The following IGF2BP1 variants were observed in gnomAD, a reference collection of about 807,000 sequenced individuals.
IGF2BP1 encodes the protein insulin like growth factor 2 mRNA binding protein 1.
IGF2BP1 carries 11 observed loss-of-function variants against 74.9 expected under a neutral mutation model. The ratio of observed to expected loss-of-function variants is 0.15; its 90% CI spans 0.09 to 0.24. IGF2BP1 has a LOEUF of 0.24. IGF2BP1 is among the 10% of genes least tolerant of loss of function. IGF2BP1 has a pLI of 1.00. For synonymous variants in IGF2BP1, 287 were observed against 281.8 expected (o/e 1.02, Z -0.18); for missense variants, 440 against 757.4 (o/e 0.58, Z 4.92).
Position 49,038,292 on chromosome 17 carries a change from C to G in IGF2BP1, c.526C>G (p.Gln176Glu). The change falls in exon 6 of 15, where the codon CAG becomes GAG. Residue 176 changes from glutamine (Q) to glutamate (E), a missense_variant. Gln to Glu is a conservative substitution (Grantham distance 29). Transcript: ENST00000290341. ...GRRGGFGSRG[Q>E]PRQGSPVAAG... ...CCGAGGGGGCTTTGGCTCTCGGGGTCAGCCCCGCCAGGGCTCACCTGTGGC... is the reference window on the plus strand; with the variant it reads ...CCGAGGGGGCTTTGGCTCTCGGGGTGAGCCCCGCCAGGGCTCACCTGTGGC... The G allele has an allele frequency of 6.2e-7, 1 of 1,603,624 alleles. No homozygotes were observed. The highest frequency in any genetic ancestry group is 8.5e-7 in the Non-Finnish European group (1 of 1,175,100).
rs769376833 is a variant in IGF2BP1 at position 49,038,462 on chromosome 17, T to G, written c.683+13T>G. ...AGACCCAGTCCAAGTGAGTCTTGGC[T>G]CTTGGGGAATGGAGGTTGGGTGCTA... On this transcript the variant is annotated intron_variant, in intron 6 of 14. Transcript: ENST00000290341. 6.8e-7 allele frequency: 1 copy of G among 1,468,216 alleles called. No individual in the cohort carries two copies. Among genetic ancestry groups the G allele is most frequent in the Non-Finnish European group, 9.1e-7 (1 of 1,102,932 alleles). 90.9% of individuals were successfully genotyped at this position (1,468,216 alleles called of 1,614,324 possible). A position where few individuals can be genotyped will look rare whatever the true frequency, so the allele number is the denominator to read the frequency against.
At chr17:49,029,472 G>A (rs1456912428) in intron 4 of IGF2BP1, among the ~76,000 whole-genome samples, 2 of 152,146 alleles carry the variant, frequency 1.3e-5, no homozygotes, top group Non-Finnish European at 2.9e-5. Flanking sequence ...CAGATTCTTT[G>A]CACTGAAGTT....
At chr17:49,044,860 T>C (rs1428310980) in intron 11 of IGF2BP1, 131 bp from the exon 12 acceptor site, 2 of 743,946 alleles carry the variant, frequency 2.7e-6, no homozygotes, top group Non-Finnish European at 4.7e-6. Flanking sequence ...TCAGGGTCTT[T>C]GTTCTTCCTC....
rs902920933 is a variant in IGF2BP1 at position 49,055,342 on chromosome 17, T to C, written c.*5898T>C. ...TTTCACAGTCTGCCCCTGGCCTGTC[T>C]CACCCCATCCCCCACCCTATTCCTG... is the stretch of plus-strand genomic sequence containing the variant. On this transcript the variant is annotated 3_prime_UTR_variant, in exon 15 of 15. Transcript: ENST00000290341. 4 of 302,128 alleles carry C rather than the reference T, an allele frequency of 1.3e-5. No homozygotes were observed. Among genetic ancestry groups the C allele is most frequent in the Admixed American group, 5.1e-5 (1 of 19,630 alleles). 18.7% of individuals were successfully genotyped at this position (302,128 alleles called of 1,614,324 possible).
intron 2 of IGF2BP1, among the ~76,000 whole-genome samples, chr17:49,015,371 G>T (rs1240063589): frequency 6.6e-6 from 1 of 152,210 alleles, no homozygotes; most frequent in African/African-American, 2.4e-5. Flanking sequence ...CCGGGCCAGA[G>T]ATGGTCTTCC....
At chr17:49,043,241 A>C (rs903951747) in intron 9 of IGF2BP1, among the ~76,000 whole-genome samples, 187 bp from the exon 10 acceptor site, 3 of 152,196 alleles carry the variant, frequency 2.0e-5, no homozygotes, top group Admixed American at 6.5e-5. Context: ...ATATCACTTA[A>C]AATTCCACAC....
At chr17:48,999,031 A>T (rs948246730) in intron 1 of IGF2BP1, 78 bp from the exon 2 acceptor site, 1 of 831,770 alleles carries the variant, frequency 1.2e-6, no homozygotes, top group Non-Finnish European at 2.0e-6. Context: ...GAATTATCCT[A>T]GTGTCTTTTC....
chr17:49,043,758 A>ACTCTCTATGCCCCGGGAACAGTAAGGG (rs2042079038), intron 10 of IGF2BP1, among the ~76,000 whole-genome samples: 2 of 152,162 alleles, frequency 1.3e-5, no homozygotes, highest in African/African-American at 4.8e-5. Flanking sequence ...GGGCATAGAC[A>ACTCTCTATGCCCCGGGAACAGTAAGGG]GCACTGTTCC....
In IGF2BP1 at chr17:49,054,584, T is replaced by C. The variant is rs959850710; in HGVS notation, c.*5140T>C. 7.2e-5 allele frequency: 11 copies of C among 152,450 alleles called. No homozygotes were observed. The highest frequency in any genetic ancestry group is 2.7e-4 in the African/African-American group (11 of 41,464). 9.4% of individuals were successfully genotyped at this position (152,450 alleles called of 1,614,324 possible). A position where few individuals can be genotyped will look rare whatever the true frequency, so the allele number is the denominator to read the frequency against. ...TTTCCTTGCCCATGTGTCACCCCTT[T>C]GGCCTCCAGCTTGTCCCTCTCTCAC... On this transcript the variant is annotated 3_prime_UTR_variant, in exon 15 of 15. Coordinates refer to ENST00000290341, the MANE Select transcript of IGF2BP1 (RefSeq NM_006546.4).
intron 2 of IGF2BP1, among the ~76,000 whole-genome samples, chr17:49,009,512 C>T (rs2041590325): frequency 6.6e-6 from 1 of 151,438 alleles, no homozygotes; most frequent in African/African-American, 2.4e-5. Flanking sequence ...GAGTTCAAGA[C>T]CAGCCTGGCC....
At chr17:48,998,993 A>G in intron 1 of IGF2BP1, 116 bp from the exon 2 acceptor site, 3 of 672,928 alleles carry the variant, frequency 4.5e-6, no homozygotes, top group Admixed American at 5.2e-5. Context: ...CTGGATTCCT[A>G]GGAAGATCTC....
At chr17:49,025,313 AGTGTGTGTGTGTGTGTGT>A (rs369153046) in intron 2 of IGF2BP1, among the ~76,000 whole-genome samples, 16 of 133,646 alleles carry the variant, frequency 1.2e-4, no homozygotes, top group South Asian at 2.7e-4. Context: ...GGACAAACAA[AGTGTGTGTGTGTGTGTGT>A]GTGTGTGTGT....
intron 14 of IGF2BP1, among the ~76,000 whole-genome samples, chr17:49,047,020 A>G (rs988922839): frequency 2.0e-5 from 3 of 152,214 alleles, no homozygotes; most frequent in Non-Finnish European, 4.4e-5. Flanking sequence ...TAAATCCATC[A>G]TTGTTAGAAC....
Position 49,045,991 on chromosome 17 carries a change from T to C in IGF2BP1, c.1497T>C (p.Ala499=). 6.2e-7 allele frequency: 1 copy of C among 1,614,170 alleles called. No homozygotes were observed. The change falls in exon 13 of 15, where the codon GCT becomes GCC. Residue 499 remains alanine, a synonymous_variant. Transcript: ENST00000290341. ...ETHIRVPASA[A]GRVIGKGGKT... ...ACATACGTGTGCCAGCATCAGCAGC[T>C]GGCCGGGTCATTGGCAAAGGTGGAA...
At chr17:49,029,752 C>T (rs1567820414) in intron 4 of IGF2BP1, among the ~76,000 whole-genome samples, 1 of 151,942 alleles carries the variant, frequency 6.6e-6, no homozygotes, top group Non-Finnish European at 1.5e-5. Context: ...CTCAGCATCC[C>T]AAGTAGCTGG....
At chr17:49,031,881 T>C (rs770335780) in intron 4 of IGF2BP1, 29 bp from the exon 5 acceptor site, 16 of 1,607,748 alleles carry the variant, frequency 1.0e-5, no homozygotes, top group Non-Finnish European at 8.5e-7. Flanking sequence ...ATTTCCCTGC[T>C]CTGAGGTTAT....
rs1392044636 is a variant in IGF2BP1 at position 49,042,386 on chromosome 17, TGGG to T, written c.1077+10_1077+12del. ...ATGTGGCTGCCATGAGCGTGAGTGC[TGGG>T]TAGTACCCTCTGCTTATCCTTTCCT... On this transcript the variant is annotated intron_variant, in intron 9 of 14. Coordinates refer to ENST00000290341, the MANE Select transcript of IGF2BP1 (RefSeq NM_006546.4). The T allele has an allele frequency of 9.9e-6, 16 of 1,614,114 alleles. No individual in the cohort carries two copies. The highest frequency in any genetic ancestry group is 1.3e-5 in the Non-Finnish European group (15 of 1,180,002).
At position 49,050,097 on chromosome 17, in the gene IGF2BP1, G is replaced by GTT. The variant is rs1173205452; in HGVS notation, c.*654_*655dup. 2 of 152,612 alleles carry GTT rather than the reference G, an allele frequency of 1.3e-5. No homozygotes were observed. Among genetic ancestry groups the GTT allele is most frequent in the African/African-American group, 2.4e-5 (1 of 41,436 alleles). 9.5% of individuals were successfully genotyped at this position (152,612 alleles called of 1,614,324 possible). A position where few individuals can be genotyped will look rare whatever the true frequency, so the allele number is the denominator to read the frequency against. On this transcript the variant is annotated 3_prime_UTR_variant, in exon 15 of 15. Coordinates refer to ENST00000290341, the MANE Select transcript of IGF2BP1 (RefSeq NM_006546.4). ...AGAGGGGAAAATGGGGAGAAAGATG[G>GTT]TTAAAATACATAATAATCCACGTTT...
chr17:49,015,062 T>A, intron 2 of IGF2BP1: 2 of 411,896 alleles, frequency 4.9e-6, no homozygotes, highest in Non-Finnish European at 6.5e-6. Context: ...TGGAGTGCAG[T>A]GGCGTGATCT....
Sources: gnomAD v4.1 joint callset for allele counts (sites outside exome capture counted in the v4.1 genomes callset) on GRCh38, gnomAD v4.1.1 for gene constraint, MANE v1.5 for transcripts, NCBI Gene and HGNC (gene_info 2026-07-23, HGNC 2026-07-21) for gene names.